The following TCF4 variants were observed in gnomAD, a reference collection of about 807,000 sequenced individuals.
TCF4 encodes the protein SL3-3 enhancer factor 2.
A neutral mutation model predicts 82.1 loss-of-function variants in TCF4; 3 were observed. That is an observed-to-expected ratio of 0.04 (90% CI 0.02 to 0.09). The LOEUF is 0.09. Among genes scored for constraint, TCF4 ranks in the 10% least tolerant of loss-of-function variants. TCF4 has a pLI of 1.00. For synonymous variants in TCF4, 276 were observed against 309.6 expected (o/e 0.89, Z 1.14); for missense variants, 518 against 852.7 (o/e 0.61, Z 4.89).
At chr18:55,257,204 G>T in intron 14 of TCF4, 111 bp downstream of exon 14, 1 of 1,144,406 alleles carries the variant, frequency 8.7e-7, no homozygotes, top group South Asian at 1.2e-5. Context: ...GCTTAATGCT[G>T]ACTTAAAGTT....
At chr18:55,317,428 A>T (rs1180313101) in intron 8 of TCF4, among the ~76,000 whole-genome samples, 2 of 152,066 alleles carry the variant, frequency 1.3e-5, no homozygotes, top group South Asian at 2.1e-4. Flanking sequence ...ATATATTTTT[A>T]AAATGCCAAA....
At chr18:55,244,154 T>A (rs1244023000) in intron 15 of TCF4, among the ~76,000 whole-genome samples, 2 of 152,228 alleles carry the variant, frequency 1.3e-5, no homozygotes, top group Non-Finnish European at 2.9e-5. Context: ...ATCTTCAGAC[T>A]GGTGGATACC....
chr18:55,422,453 A>T (rs2094807350), intron 5 of TCF4: 1 of 984,142 alleles, frequency 1.0e-6, no homozygotes, highest in Non-Finnish European at 1.2e-6. Flanking sequence ...GTTTGCCAGA[A>T]ATTCTCATAC....
At chr18:55,265,674 T>C (rs1243344437) in intron 11 of TCF4, 1 of 152,188 alleles carries the variant, frequency 6.6e-6, no homozygotes, top group African/African-American at 2.4e-5. Context: ...AAAGTGAACA[T>C]TATGTGACTA....
intron 6 of TCF4, among the ~76,000 whole-genome samples, chr18:55,362,389 GGAAA>G (rs1477845093): frequency 0.088 from 7,577 of 86,264 alleles, 322 homozygotes; most frequent in East Asian, 0.14. Context: ...AAGGAAGGAA[GGAAA>G]GAAGGAAGGA....
At position 55,588,113 on chromosome 18, in the gene TCF4, C is replaced by A; in HGVS notation, c.-96G>T. 9.7e-7 allele frequency: 1 copy of A among 1,033,606 alleles called. No individual in the cohort carries two copies. Among genetic ancestry groups the A allele is most frequent in the Non-Finnish European group, 1.2e-6 (1 of 866,496 alleles). The allele number at this position is 1,033,606 out of a possible 1,614,324, so 64.0% of individuals were successfully genotyped here. On this transcript the variant is annotated 5_prime_UTR_variant, in exon 1 of 20. Coordinates refer to ENST00000354452, the MANE Select transcript of TCF4 (RefSeq NM_001083962.2). Reference sequence around the variant, plus strand: ...GTTCATGTCTAACCGCCGCCGCCACCGCCGCCGCCTGCTCCTGCGCCCGCT... The same window carrying A: ...GTTCATGTCTAACCGCCGCCGCCACAGCCGCCGCCTGCTCCTGCGCCCGCT...
chr18:55,283,042 A>G (rs942758065), intron 8 of TCF4, among the ~76,000 whole-genome samples: 6 of 152,146 alleles, frequency 3.9e-5, no homozygotes, highest in Non-Finnish European at 8.8e-5. Context: ...TTAACATGCA[A>G]AGTTAGCGCC....
chr18:55,618,155 C>T (rs887226302), intron 2 of TCF4, among the ~76,000 whole-genome samples: 3 of 152,006 alleles, frequency 2.0e-5, no homozygotes, highest in African/African-American at 7.2e-5. Context: ...ATAATTATAG[C>T]GTTCATTATA....
intron 5 of TCF4, among the ~76,000 whole-genome samples, chr18:55,432,388 A>C (rs1469269786): frequency 2.0e-5 from 3 of 151,886 alleles, no homozygotes; most frequent in Non-Finnish European, 4.4e-5. Flanking sequence ...TCATGAAGTA[A>C]GTAGCAGGGA....
At chr18:55,340,575 C>T (rs187991736) in intron 8 of TCF4, among the ~76,000 whole-genome samples, 2 of 140,186 alleles carry the variant, frequency 1.4e-5, no homozygotes, top group Non-Finnish European at 3.1e-5. Flanking sequence ...CAGAGCAAGA[C>T]CCCATCTCAA....
chr18:55,228,451 T>G lies in TCF4; in HGVS notation c.1880-90A>C. The G allele has an allele frequency of 2.6e-6, 4 of 1,542,000 alleles. No individual in the cohort carries two copies. In the Middle Eastern group the frequency reaches 7.9e-4, roughly 303 times the overall value. On this transcript the variant is annotated intron_variant, in intron 18 of 19. Transcript: ENST00000354452. Reference sequence around the variant, plus strand: ...CACTCTTCTTGCGTGTCTGACCTTTTTCTCAGTGTTTATATTACAGAACAA... The same window carrying G: ...CACTCTTCTTGCGTGTCTGACCTTTGTCTCAGTGTTTATATTACAGAACAA...
intron 5 of TCF4, among the ~76,000 whole-genome samples, chr18:55,450,591 G>A (rs1346764445): frequency 2.6e-5 from 4 of 152,190 alleles, no homozygotes; most frequent in African/African-American, 9.7e-5. Context: ...AGGGGAATGA[G>A]AGAATAATCC....
chr18:55,462,267 ACACT>A (rs1271747834), intron 4 of TCF4, among the ~76,000 whole-genome samples: 2 of 152,192 alleles, frequency 1.3e-5, no homozygotes, highest in East Asian at 1.9e-4. Flanking sequence ...CCATCATAGT[ACACT>A]CACTCACTCT....
At chr18:55,321,480 A>G (rs897404909) in intron 8 of TCF4, 20 of 812,074 alleles carry the variant, frequency 2.5e-5, no homozygotes, top group Middle Eastern at 3.6e-4. Flanking sequence ...GAGTGGGGGG[A>G]AAAAAAGACG....
Position 55,234,630 on chromosome 18 carries a change from C to A in TCF4, c.1404G>T (p.Leu468=). ...GVALRGSHSL[L]PNQVPVPQLP... ...GCTGTGGAACCGGAACCTGGTTTGGCAGAAGAGAATGGCTGCCTCTCAGGG... is the reference window on the plus strand; with the variant it reads ...GCTGTGGAACCGGAACCTGGTTTGGAAGAAGAGAATGGCTGCCTCTCAGGG... Residue 468 remains leucine, a synonymous_variant, in exon 16 of 20, where the codon CTG becomes CTT. Coordinates refer to ENST00000354452, the MANE Select transcript of TCF4 (RefSeq NM_001083962.2). 6.2e-7 allele frequency: 1 copy of A among 1,614,100 alleles called. No homozygotes were observed.
At chr18:55,465,552 G>A (rs1161512268) in intron 3 of TCF4, among the ~76,000 whole-genome samples, 3 of 151,436 alleles carry the variant, frequency 2.0e-5, no homozygotes, top group Non-Finnish European at 4.4e-5. Flanking sequence ...TGTCAAGAAA[G>A]CTCTCGGGAC....
intron 5 of TCF4, among the ~76,000 whole-genome samples, chr18:55,406,962 A>G (rs748152838): frequency 6.6e-6 from 1 of 152,240 alleles, no homozygotes; most frequent in Admixed American, 6.5e-5. Flanking sequence ...CAAAAGAGGC[A>G]TAAGGGTAGC....
chr18:55,465,337 G>T (rs976636120), intron 3 of TCF4, among the ~76,000 whole-genome samples: 2 of 151,924 alleles, frequency 1.3e-5, no homozygotes, highest in African/African-American at 4.8e-5. Flanking sequence ...TTGGGATACA[G>T]TAGAGTACAT....
At chr18:55,379,282 C>T (rs1234425284) in intron 6 of TCF4, among the ~76,000 whole-genome samples, 1 of 152,164 alleles carries the variant, frequency 6.6e-6, no homozygotes, top group African/African-American at 2.4e-5. Context: ...CCACATAATA[C>T]AGAACACAGA....
Sources: allele counts gnomAD v4.1 joint callset (sites outside exome capture counted in the v4.1 genomes callset), GRCh38; gene constraint gnomAD v4.1.1; transcripts MANE v1.5; gene names NCBI Gene and HGNC (gene_info 2026-07-23, HGNC 2026-07-21).